The following ROBO2 variants were observed in gnomAD, a reference collection of about 807,000 sequenced individuals.
ROBO2 encodes the protein roundabout guidance receptor 2, also known as roundabout homolog 2.
In ROBO2, 53 loss-of-function variants were observed where a neutral mutation model predicts 160.8. The observed-to-expected ratio is 0.33, with a 90% CI of 0.26 to 0.41. ROBO2 has a LOEUF of 0.41. Ranked by LOEUF, ROBO2 falls within the 10% of genes least tolerant of loss-of-function variation. The pLI is 1.00. For synonymous variants in ROBO2, 664 were observed against 611.7 expected (o/e 1.09, Z -1.26); for missense variants, 1,577 against 1,722.4 (o/e 0.92, Z 1.49).
intron 2 of ROBO2, among the ~76,000 whole-genome samples, chr3:76,501,950 G>T (rs1234492750): frequency 6.6e-6 from 1 of 151,946 alleles, no homozygotes; most frequent in Non-Finnish European, 1.5e-5. Flanking sequence ...TTCAACTATT[G>T]TGGAATTAAT....
chr3:76,955,856 AG>A (rs2079213052), intron 2 of ROBO2, among the ~76,000 whole-genome samples: 1 of 148,780 alleles, frequency 6.7e-6, no homozygotes, highest in Non-Finnish European at 1.5e-5. Context: ...TGAACCCGGG[AG>A]GCGGAGACAG....
chr3:76,891,584 G>T (rs1372864620), intron 2 of ROBO2, among the ~76,000 whole-genome samples: 1 of 151,618 alleles, frequency 6.6e-6, no homozygotes, highest in African/African-American at 2.4e-5. Flanking sequence ...GGTATTTCAA[G>T]ACACAAAAGG....
At chr3:77,409,370 T>C (rs2076517691) in intron 2 of ROBO2, among the ~76,000 whole-genome samples, 1 of 152,116 alleles carries the variant, frequency 6.6e-6, no homozygotes, top group Non-Finnish European at 1.5e-5. Context: ...TTTGATTCTA[T>C]AGGCTTTAAA....
At chr3:76,516,249 C>T (rs2081342191) in intron 2 of ROBO2, among the ~76,000 whole-genome samples, 1 of 152,008 alleles carries the variant, frequency 6.6e-6, no homozygotes, top group Non-Finnish European at 1.5e-5. Context: ...TGTGAGAAGA[C>T]CCTCTATAGC....
chr3:77,378,650 T>C (rs2073010576), intron 2 of ROBO2, among the ~76,000 whole-genome samples: 1 of 152,164 alleles, frequency 6.6e-6, no homozygotes, highest in Admixed American at 6.5e-5. Flanking sequence ...TGATTAAATA[T>C]ATGTATTGAT....
chr3:77,512,222 T>C (rs1178453092), intron 5 of ROBO2, among the ~76,000 whole-genome samples: 1 of 151,960 alleles, frequency 6.6e-6, no homozygotes, highest in African/African-American at 2.4e-5. Flanking sequence ...AAGCATCATA[T>C]GGAATTAGAT....
At chr3:76,300,648 A>ATG (rs1709309501) in intron 2 of ROBO2, among the ~76,000 whole-genome samples, 1 of 151,922 alleles carries the variant, frequency 6.6e-6, no homozygotes. Context: ...AAATATAGCA[A>ATG]TGTGTGTGTA....
At chr3:76,316,051 G>C (rs979007625) in intron 2 of ROBO2, among the ~76,000 whole-genome samples, 8 of 152,096 alleles carry the variant, frequency 5.3e-5, no homozygotes, top group Non-Finnish European at 8.8e-5. Context: ...GTACGAACAG[G>C]GAGTAGATCA....
intron 2 of ROBO2, among the ~76,000 whole-genome samples, chr3:76,978,327 A>G (rs2059909755): frequency 6.6e-6 from 1 of 152,204 alleles, no homozygotes; most frequent in Non-Finnish European, 1.5e-5. Context: ...CTCACAATGC[A>G]AATATTTATA....
chr3:76,520,237 G>A (rs1233970346), intron 2 of ROBO2, among the ~76,000 whole-genome samples: 2 of 152,200 alleles, frequency 1.3e-5, no homozygotes, highest in Non-Finnish European at 2.9e-5. Flanking sequence ...GATCACCTGA[G>A]GTCAGGGGTT....
At chr3:77,578,456 C>A (rs185345492) in intron 15 of ROBO2, among the ~76,000 whole-genome samples, 3 of 151,828 alleles carry the variant, frequency 2.0e-5, no homozygotes, top group East Asian at 1.9e-4. Flanking sequence ...AACTAGACAC[C>A]CATTTCACCT....
intron 2 of ROBO2, among the ~76,000 whole-genome samples, chr3:76,687,834 A>G (rs2092716996): frequency 6.6e-6 from 1 of 152,072 alleles, no homozygotes; most frequent in Admixed American, 6.6e-5. Flanking sequence ...AAGTGTCTCC[A>G]TATTCTATAG....
At chr3:76,441,582 A>G (rs1051351183) in intron 2 of ROBO2, among the ~76,000 whole-genome samples, 1 of 152,180 alleles carries the variant, frequency 6.6e-6, no homozygotes, top group African/African-American at 2.4e-5. Context: ...AGAGCTATTA[A>G]GTTCCTTTGT....
chr3:76,718,933 A>T (rs2093423867), intron 2 of ROBO2, among the ~76,000 whole-genome samples: 1 of 152,180 alleles, frequency 6.6e-6, no homozygotes, highest in South Asian at 2.1e-4. Context: ...ATGGTATTCA[A>T]CTCAATACAG....
intron 2 of ROBO2, among the ~76,000 whole-genome samples, chr3:77,225,076 A>T (rs541812126): frequency 1.7e-4 from 26 of 151,992 alleles, no homozygotes; most frequent in African/African-American, 6.0e-4. Context: ...AGCTAGATAT[A>T]ATCATAAGTA....
chr3:77,413,273 G>C (rs2076950173), intron 2 of ROBO2, among the ~76,000 whole-genome samples: 1 of 152,140 alleles, frequency 6.6e-6, no homozygotes, highest in African/African-American at 2.4e-5. Flanking sequence ...GGAATGGGGA[G>C]TGGGGACAGA....
intron 2 of ROBO2, among the ~76,000 whole-genome samples, chr3:76,799,253 C>T (rs2064016104): frequency 6.6e-6 from 1 of 151,298 alleles, no homozygotes; most frequent in African/African-American, 2.4e-5. Flanking sequence ...ACGTATATAA[C>T]AGACTCATAG....
intron 2 of ROBO2, among the ~76,000 whole-genome samples, chr3:76,712,379 T>C (rs2107616265): frequency 6.6e-6 from 1 of 152,204 alleles, no homozygotes. Context: ...ATGACATCAG[T>C]ATCTCTGCTT....
At chr3:76,779,972 A>T (rs1160567002) in intron 2 of ROBO2, among the ~76,000 whole-genome samples, 1 of 150,994 alleles carries the variant, frequency 6.6e-6, no homozygotes, top group African/African-American at 2.4e-5. Flanking sequence ...AAGAAACTCC[A>T]TAGTATTTTC....
Sources: gnomAD v4.1 joint callset for allele counts (sites outside exome capture counted in the v4.1 genomes callset) on GRCh38, gnomAD v4.1.1 for gene constraint, MANE v1.5 for transcripts, NCBI Gene and HGNC (gene_info 2026-07-23, HGNC 2026-07-21) for gene names.